The following DNAH5 variants were observed in gnomAD, a reference collection of about 807,000 sequenced individuals.
DNAH5 encodes the protein axonemal beta dynein heavy chain 5.
DNAH5 carries 372 observed loss-of-function variants against 518.2 expected under a neutral mutation model. That is an observed-to-expected ratio of 0.72 (90% CI 0.66 to 0.78). The LOEUF (loss-of-function observed/expected upper bound fraction) is 0.78. Among genes scored for constraint, DNAH5 ranks in the 30% least tolerant of loss-of-function variants. DNAH5 has a pLI of 0.00. For synonymous variants in DNAH5, 2,039 were observed against 2,025.9 expected, an observed-to-expected ratio of 1.01 and a Z score of -0.17; for missense variants, 5,523 against 5,687.0, an observed-to-expected ratio of 0.97 and a Z score of 0.93.
intron 12 of DNAH5, among the ~76,000 whole-genome samples, chr5:13,910,959 G>A (rs913375010): frequency 6.6e-6 from 1 of 152,374 alleles, no homozygotes; most frequent in Admixed American, 6.5e-5. Flanking sequence ...AGTCGGTCCT[G>A]GCGCCACCGT....
At chr5:13,843,049 C>G (rs984009584) in intron 32 of DNAH5, among the ~76,000 whole-genome samples, 3 of 152,152 alleles carry the variant, frequency 2.0e-5, no homozygotes, top group African/African-American at 7.2e-5. Context: ...TTAAGCGAAA[C>G]ATCAGAAAGA....
intron 44 of DNAH5, 152 bp from the exon 45 acceptor site, chr5:13,810,412 G>A (rs1018318187): frequency 1.3e-6 from 1 of 753,020 alleles, no homozygotes; most frequent in African/African-American, 1.7e-5. Flanking sequence ...AACAAATGAA[G>A]AACTGATCTC....
At chr5:13,753,930 G>T (rs1455239219) in intron 62 of DNAH5, among the ~76,000 whole-genome samples, 1 of 152,066 alleles carries the variant, frequency 6.6e-6, no homozygotes, top group Non-Finnish European at 1.5e-5. Context: ...AGGCATAAAG[G>T]TCGTTAACAC....
At chr5:13,940,229 C>T (rs896901089) in intron 1 of DNAH5, among the ~76,000 whole-genome samples, 66 of 152,110 alleles carry the variant, frequency 4.3e-4, no homozygotes, top group African/African-American at 1.6e-3. Context: ...CTGTTTTCTG[C>T]ACACCAAATT....
intron 41 of DNAH5, among the ~76,000 whole-genome samples, chr5:13,819,940 T>C (rs1470331007): frequency 6.6e-6 from 1 of 152,138 alleles, no homozygotes; most frequent in Non-Finnish European, 1.5e-5. Flanking sequence ...GGAAATGGCA[T>C]GGTATGTTGG....
At position 13,700,853 on chromosome 5, in the gene DNAH5, T is replaced by C; in HGVS notation, c.13510A>G (p.Lys4504Glu). 6.2e-7 allele frequency: 1 copy of C among 1,614,186 alleles called. No individual in the cohort carries two copies. The highest frequency in any genetic ancestry group is 8.5e-7 in the Non-Finnish European group (1 of 1,180,008). Residue 4504 changes from lysine (K) to glutamate (E), a missense_variant, in exon 78 of 79, where the codon AAA (lysine) becomes GAA (glutamate). By Grantham distance (56) the Lys-to-Glu change is moderately conservative (BLOSUM62 1). Coordinates refer to ENST00000265104, the MANE Select transcript of DNAH5 (RefSeq NM_001369.3). Reference protein sequence around the residue: ...AMRQEITRANKGWALDNMVLC... With the variant: ...AMRQEITRANEGWALDNMVLC... ...ACCATATTGTCCAGAGCCCAGCCTTTGTTGGCCCGAGTTATTTCCTATTCA... is the reference window on the plus strand; with the variant it reads ...ACCATATTGTCCAGAGCCCAGCCTTCGTTGGCCCGAGTTATTTCCTATTCA...
chr5:13,802,538 A>ACAGCATTGAGATTCTGC (rs1758917950), intron 47 of DNAH5, among the ~76,000 whole-genome samples: 1 of 152,210 alleles, frequency 6.6e-6, no homozygotes. Flanking sequence ...ACTCCACAGT[A>ACAGCATTGAGATTCTGC]CAGCATTGAG....
chr5:13,746,477 C>T (rs569445758), intron 65 of DNAH5, among the ~76,000 whole-genome samples: 12 of 152,240 alleles, frequency 7.9e-5, no homozygotes, highest in Admixed American at 5.9e-4. Flanking sequence ...TGCAACTGTG[C>T]ACTACAGATC....
chr5:13,772,989 T>C (rs1279576553), intron 55 of DNAH5, among the ~76,000 whole-genome samples: 2 of 152,194 alleles, frequency 1.3e-5, no homozygotes, highest in Admixed American at 6.5e-5. Flanking sequence ...GTACTTCTAA[T>C]ACTCACAGAT....
At chr5:13,984,643 C>T (rs1265192133) in intron 1 of DNAH5, among the ~76,000 whole-genome samples, 1 of 152,204 alleles carries the variant, frequency 6.6e-6, no homozygotes, top group East Asian at 1.9e-4. Context: ...TTTGCCCATT[C>T]AGTATGATAT....
Position 13,850,716 on chromosome 5 carries a change from T to C in DNAH5, c.5050A>G (p.Thr1684Ala), listed in dbSNP as rs556729810. 48 of 1,614,028 alleles carry C rather than the reference T, an allele frequency of 3.0e-5. 1 individual carries two copies. The South Asian group carries it at 5.1e-4, about 17-fold the overall frequency. Residue 1684 changes from threonine to alanine, a missense_variant, in exon 31 of 79, where the codon ACC becomes GCC. Thr to Ala is a moderately conservative substitution (Grantham distance 58). This residue lies in a region of DNAH5 where 5,121 missense variants were observed against 5,223.3 expected (regional missense o/e 0.98). Coordinates refer to ENST00000265104, the MANE Select transcript of DNAH5 (RefSeq NM_001369.3). ...SVVQCCVGDETLGQLLPHLLD... is the reference protein window; with the variant it reads ...SVVQCCVGDEALGQLLPHLLD... ...AAGTGTGGTAACAGCTGCCCCAGGG[T>C]CTCATCTCCAACACAGCACTGGACT...
At chr5:13,805,227 C>A (rs1759399326) in intron 47 of DNAH5, among the ~76,000 whole-genome samples, 1 of 152,150 alleles carries the variant, frequency 6.6e-6, no homozygotes, top group Non-Finnish European at 1.5e-5. Context: ...TGGCTGGGCA[C>A]AGTGACTCAC....
At chr5:13,718,558 A>G (rs1744612429) in intron 72 of DNAH5, among the ~76,000 whole-genome samples, 1 of 152,216 alleles carries the variant, frequency 6.6e-6, no homozygotes, top group Non-Finnish European at 1.5e-5. Context: ...GGAAGAGACT[A>G]CTGTACTACT....
chr5:13,954,202 A>G (rs1780614143), intron 1 of DNAH5, among the ~76,000 whole-genome samples: 1 of 152,198 alleles, frequency 6.6e-6, no homozygotes, highest in Non-Finnish European at 1.5e-5. Context: ...ATATTTATTA[A>G]GCTTCCCTGA....
chr5:13,977,931 C>T (rs2152063707), intron 1 of DNAH5, among the ~76,000 whole-genome samples: 1 of 152,276 alleles, frequency 6.6e-6, no homozygotes, highest in African/African-American at 2.4e-5. Context: ...AGAGGCGACT[C>T]TCTCGGAAAA....
At chr5:13,919,497 T>A in intron 6 of DNAH5, 145 bp from the exon 7 acceptor site, 2 of 985,770 alleles carry the variant, frequency 2.0e-6, no homozygotes, top group South Asian at 1.7e-5. Context: ...AACAATCTTT[T>A]ACTCACTTAG....
intron 18 of DNAH5, 122 bp downstream of exon 18, chr5:13,885,842 T>C: frequency 1.1e-6 from 1 of 913,136 alleles, no homozygotes; most frequent in Non-Finnish European, 1.7e-6. Context: ...TTTATACATA[T>C]CATTAGAAAA....
At chr5:13,695,728 G>T (rs1741282339) in intron 78 of DNAH5, among the ~76,000 whole-genome samples, 1 of 152,108 alleles carries the variant, frequency 6.6e-6, no homozygotes, top group Non-Finnish European at 1.5e-5. Flanking sequence ...ACATGTATGT[G>T]CCTGGTATAG....
intron 77 of DNAH5, 82 bp from the exon 78 acceptor site, chr5:13,700,953 T>C (rs1478175170): frequency 7.2e-7 from 1 of 1,383,962 alleles, no homozygotes; most frequent in South Asian, 1.2e-5. Context: ...AAAGCTTGGC[T>C]CCGAATCACT....
Sources: allele counts gnomAD v4.1 joint callset (sites outside exome capture counted in the v4.1 genomes callset), GRCh38; gene constraint gnomAD v4.1.1; regional missense constraint gnomAD v4.1.1; transcripts MANE v1.5; gene names NCBI Gene and HGNC (gene_info 2026-07-23, HGNC 2026-07-21).